DIS3L: variants seen among roughly 807,000 people sequenced by gnomAD.
DIS3L encodes the protein DIS3 like exosome 3'-5' exoribonuclease, also known as DIS3-like exonuclease 1.
In DIS3L, 100 loss-of-function variants were observed where a neutral mutation model predicts 120.3. The observed-to-expected ratio is 0.83, with a 90% CI of 0.71 to 0.98. DIS3L has a LOEUF of 0.98. DIS3L is among the 50% of genes least tolerant of loss of function. The pLI is 0.00. For synonymous variants in DIS3L, 426 were observed against 470.6 expected (o/e 0.91, Z 1.23); for missense variants, 1,196 against 1,314.2 (o/e 0.91, Z 1.39).
intron 7 of DIS3L, 121 bp downstream of exon 7, chr15:66,315,336 A>C (rs2092806754): frequency 1.0e-6 from 1 of 971,276 alleles, no homozygotes; most frequent in African/African-American, 1.6e-5. Flanking sequence ...AAATTGACAA[A>C]AACTGTATTT....
intron 14 of DIS3L, among the ~76,000 whole-genome samples, chr15:66,331,244 A>C (rs1317156147): frequency 6.6e-6 from 1 of 152,080 alleles, no homozygotes; most frequent in Non-Finnish European, 1.5e-5. Flanking sequence ...TAGGGTTTTC[A>C]TTGGACAGGC....
At position 66,294,099 on chromosome 15, in the gene DIS3L, C is replaced by G. The variant is rs1038286205; in HGVS notation, c.139+364C>G. 7.1e-6 allele frequency: 7 copies of G among 985,666 alleles called. No individual in the cohort carries two copies. The South Asian group carries it at 1.4e-4, about 20-fold the overall frequency. 61.1% of individuals were successfully genotyped at this position (985,666 alleles called of 1,614,324 possible). On this transcript the variant is annotated intron_variant, in intron 1 of 16. Transcript: ENST00000319212. Reference sequence around the variant, plus strand: ...GCGCCGTGGAGAAATGGGGAGGTCCCGAGCTGGGAGCCCCCGGGAGCTACA... The same window carrying G: ...GCGCCGTGGAGAAATGGGGAGGTCCGGAGCTGGGAGCCCCCGGGAGCTACA...
intron 2 of DIS3L, among the ~76,000 whole-genome samples, chr15:66,305,768 C>T (rs1327112348): frequency 6.6e-6 from 1 of 151,960 alleles, no homozygotes; most frequent in Non-Finnish European, 1.5e-5. Context: ...TGGGCTCAAG[C>T]AATCCTCCTT....
In DIS3L at chr15:66,326,267, C is replaced by T. The variant is rs761837999; in HGVS notation, c.2104C>T (p.His702Tyr). ...VAKKIWESFPHQALLRQHPPP... is the reference protein window; with the variant it reads ...VAKKIWESFPYQALLRQHPPP... ...CAAAAAGATCTGGGAGAGCTTCCCT[C>T]ATCAGGCCTTGCTGCGCCAGCACCC... The change falls in exon 12 of 17, where the codon CAT (histidine) becomes TAT (tyrosine). Residue 702 changes from histidine (H) to tyrosine (Y), a missense_variant. Coordinates refer to ENST00000319212, the MANE Select transcript of DIS3L (RefSeq NM_001143688.3). The T allele has an allele frequency of 6.2e-7, 1 of 1,614,206 alleles. No individual in the cohort carries two copies. The highest frequency in any genetic ancestry group is 1.1e-5 in the South Asian group (1 of 91,088).
intron 4 of DIS3L, among the ~76,000 whole-genome samples, chr15:66,309,094 A>AAAATATATATATATATATAT: frequency 1.3e-4 from 2 of 15,310 alleles, no homozygotes; most frequent in African/African-American, 2.0e-4. Context: ...AAAAAAAAAA[A>AAAATATATATATATATATAT]ATATATATAT....
At position 66,315,201 on chromosome 15, in the gene DIS3L, A is replaced by G. The variant is rs146543065; in HGVS notation, c.980A>G (p.Glu327Gly). The G allele has an allele frequency of 1.3e-4, 202 of 1,611,792 alleles. No individual in the cohort carries two copies. Among genetic ancestry groups the G allele is most frequent in the Non-Finnish European group, 1.7e-4 (200 of 1,178,562 alleles). The change falls in exon 7 of 17, where the codon GAG becomes GGG. Residue 327 changes from glutamate to glycine, a missense_variant. By Grantham distance (98) the Glu-to-Gly change is moderately conservative. Transcript: ENST00000319212. ...AAGGCTTCGGGCGAGTCCCCAAGTG[A>G]GCCCATGCCTACAGGTGAGCCAGCT... is the stretch of plus-strand genomic sequence containing the variant. ...DDKASGESPS[E>G]PMPTGRVVGI...
At chr15:66,322,137 C>T (rs2140389797) in intron 9 of DIS3L, among the ~76,000 whole-genome samples, 1 of 152,286 alleles carries the variant, frequency 6.6e-6, no homozygotes, top group South Asian at 2.1e-4. Context: ...AAAGTGTGGG[C>T]TATACATCAT....
At position 66,323,202 on chromosome 15, in the gene DIS3L, T is replaced by A. The variant is rs564062029; in HGVS notation, c.1574+268T>A. Among the ~76,000 whole-genome samples the A allele has an allele frequency of 2.0e-5, 3 of 152,376 alleles. No individual in the cohort carries two copies. In the South Asian group the frequency reaches 6.2e-4, roughly 32 times the overall value. On this transcript the variant is annotated intron_variant, in intron 10 of 16. Coordinates refer to ENST00000319212, the MANE Select transcript of DIS3L (RefSeq NM_001143688.3). ...TTTCATGTAGTAATATACTATTTTT[T>A]AAAAATACTGGATCATTACACTCCA...
At chr15:66,323,869 A>T (rs2092911155) in intron 11 of DIS3L, among the ~76,000 whole-genome samples, 1 of 152,162 alleles carries the variant, frequency 6.6e-6, no homozygotes, top group South Asian at 2.1e-4. Context: ...CTAAAATCTG[A>T]GAACAAATGT....
intron 5 of DIS3L, 150 bp from the exon 6 acceptor site, chr15:66,313,887 GTA>G (rs147699160): frequency 0.023 from 9,172 of 401,714 alleles, no homozygotes; most frequent in East Asian, 0.043. Flanking sequence ...ATATGTGTGT[GTA>G]TATATATATA....
intron 7 of DIS3L, among the ~76,000 whole-genome samples, chr15:66,317,701 G>A (rs1045510940): frequency 6.6e-6 from 1 of 152,024 alleles, no homozygotes; most frequent in Non-Finnish European, 1.5e-5. Context: ...TCTTTGCTGG[G>A]TATGATGGCA....
intron 1 of DIS3L, 182 bp downstream of exon 1, chr15:66,293,917 G>A: frequency 2.0e-6 from 2 of 999,756 alleles, no homozygotes; most frequent in Non-Finnish European, 2.4e-6. Flanking sequence ...AGCGGCCCGG[G>A]TCCGCGGCTT....
intron 5 of DIS3L, among the ~76,000 whole-genome samples, chr15:66,313,497 G>A (rs772282228): frequency 4.1e-4 from 62 of 152,164 alleles, no homozygotes; most frequent in South Asian, 2.1e-4. Flanking sequence ...CACTTTGGGA[G>A]GCCGAGGTGG....
chr15:66,293,650 G>T lies in DIS3L; in HGVS notation c.54G>T (p.Thr18=), dbSNP rs1177609106. 1 of 1,437,466 alleles carries T rather than the reference G, an allele frequency of 7.0e-7. No individual in the cohort carries two copies. Among genetic ancestry groups the T allele is most frequent in the Non-Finnish European group, 9.1e-7 (1 of 1,095,970 alleles). The allele number at this position is 1,437,466 out of a possible 1,614,324, so 89.0% of individuals were successfully genotyped here. The change falls in exon 1 of 17, where the codon ACG becomes ACT. Residue 18 remains threonine, a synonymous_variant. Coordinates refer to ENST00000319212, the MANE Select transcript of DIS3L (RefSeq NM_001143688.3). ...TGCTGAGGACCTTCCAGGGCCGCAC[G>T]CTGCGGATCGTGCGCGAGCACTACC... ...VLLLRTFQGR[T]LRIVREHYLR...
At chr15:66,325,254 C>G (rs1226861417) in intron 11 of DIS3L, among the ~76,000 whole-genome samples, 2 of 152,240 alleles carry the variant, frequency 1.3e-5, no homozygotes, top group Middle Eastern at 3.4e-3. Flanking sequence ...ATTAGCCAGG[C>G]ATGGTGGTGC....
Position 66,331,945 on chromosome 15 carries a change from C to T in DIS3L, c.2606C>T (p.Ala869Val). The T allele has an allele frequency of 6.2e-7, 1 of 1,613,396 alleles. No homozygotes were observed. The highest frequency in any genetic ancestry group is 8.5e-7 in the Non-Finnish European group (1 of 1,179,676). ...ATGTACTTCAAAGACAAAGACCCTG[C>T]CACCGAGGAGCGTTGCATATCTGAC... is the stretch of plus-strand genomic sequence containing the variant. ...QCMYFKDKDP[A>V]TEERCISDGV... Residue 869 changes from alanine to valine, a missense_variant, in exon 15 of 17, where the codon GCC becomes GTC. Physicochemically the swap from Ala to Val is moderately conservative, Grantham distance 64 (BLOSUM62 0). Coordinates refer to ENST00000319212, the MANE Select transcript of DIS3L (RefSeq NM_001143688.3).
At chr15:66,315,669 C>G (rs1023378679) in intron 7 of DIS3L, among the ~76,000 whole-genome samples, 11 of 152,178 alleles carry the variant, frequency 7.2e-5, no homozygotes, top group Admixed American at 1.3e-4. Flanking sequence ...ATCTTAAAAT[C>G]AAACCAAAAA....
chr15:66,325,872 A>G lies in DIS3L; in HGVS notation c.1709A>G (p.Tyr570Cys). 6.2e-7 allele frequency: 1 copy of G among 1,612,988 alleles called. No homozygotes were observed. The highest frequency in any genetic ancestry group is 8.5e-7 in the Non-Finnish European group (1 of 1,178,944). ...ATGTGGGAACTGGATAAAGCCTCTT[A>G]TGAAATTAAGAAAGTGTGGTATGGC... ...SIMWELDKAS[Y>C]EIKKVWYGRT... is the part of the protein sequence containing the mutation. The change falls in exon 12 of 17, where the codon TAT (tyrosine) becomes TGT (cysteine). Residue 570 changes from tyrosine (Y) to cysteine (C), a missense_variant. Coordinates refer to ENST00000319212, the MANE Select transcript of DIS3L (RefSeq NM_001143688.3).
chr15:66,320,291 A>T (rs2092867573), intron 8 of DIS3L, among the ~76,000 whole-genome samples: 1 of 152,166 alleles, frequency 6.6e-6, no homozygotes, highest in Non-Finnish European at 1.5e-5. Flanking sequence ...ACTAGAATAT[A>T]TTACGGCTCT....
Sources: gnomAD v4.1 joint callset for allele counts (sites outside exome capture counted in the v4.1 genomes callset) on GRCh38, gnomAD v4.1.1 for gene constraint, MANE v1.5 for transcripts, NCBI Gene and HGNC (gene_info 2026-07-23, HGNC 2026-07-21) for gene names.